NCKAP5: variants seen among roughly 807,000 people sequenced by gnomAD.
NCKAP5 encodes NCK associated protein 5.
NCKAP5 carries 92 observed loss-of-function variants against 167.0 expected under a neutral mutation model. The ratio of observed to expected loss-of-function variants is 0.55; its 90% CI spans 0.47 to 0.66. The LOEUF (loss-of-function observed/expected upper bound fraction) is 0.66, where lower values mean the gene tolerates loss of function less well. NCKAP5 is among the 30% of genes least tolerant of loss of function. The pLI is 0.00. For missense variants in NCKAP5, 2,378 were observed against 2,315.0 expected, an observed-to-expected ratio of 1.03 and a Z score of -0.56; for synonymous variants, 891 against 877.4, an observed-to-expected ratio of 1.02 and a Z score of -0.27.
At chr2:133,183,827 G>A (rs1036662017) in intron 5 of NCKAP5, among the ~76,000 whole-genome samples, 4 of 151,992 alleles carry the variant, frequency 2.6e-5, no homozygotes, top group South Asian at 4.2e-4. Context: ...AAATCCCAAG[G>A]AATCTACAAA....
At chr2:132,696,722 A>C (rs143912555) in intron 19 of NCKAP5, among the ~76,000 whole-genome samples, 2,115 of 152,268 alleles carry the variant, frequency 0.014, 16 homozygotes, top group Middle Eastern at 0.044. Context: ...GAGAAAAAAA[A>C]CTCAAAACTC....
At chr2:133,314,372 G>A (rs1559376173) in intron 3 of NCKAP5, among the ~76,000 whole-genome samples, 1 of 152,220 alleles carries the variant, frequency 6.6e-6, no homozygotes, top group Admixed American at 6.5e-5. Context: ...CACCTGGTGG[G>A]CTAGTTAAAA....
chr2:133,008,181 G>T (rs1269440680), intron 6 of NCKAP5, among the ~76,000 whole-genome samples: 1 of 151,950 alleles, frequency 6.6e-6, no homozygotes, highest in Non-Finnish European at 1.5e-5. Flanking sequence ...TTCCCATTGG[G>T]TGTTACTTTT....
the NCKAP5 span, among the ~76,000 whole-genome samples, chr2:133,580,899 G>C: frequency 6.6e-6 from 1 of 152,158 alleles, no homozygotes; most frequent in Admixed American, 6.5e-5. Context: ...TTTCGGAAAT[G>C]AATAGCTCCA....
chr2:133,297,668 G>T (rs1436941248), intron 4 of NCKAP5, among the ~76,000 whole-genome samples: 1 of 152,120 alleles, frequency 6.6e-6, no homozygotes, highest in Non-Finnish European at 1.5e-5. Context: ...TCACCAAGTG[G>T]CAACAAGAGT....
chr2:132,782,635 G>A lies in NCKAP5; in HGVS notation c.4176C>T (p.Thr1392=). The change falls in exon 14 of 20, where the codon ACC becomes ACT. Residue 1392 remains threonine (T), a synonymous_variant. Coordinates refer to ENST00000409261, the MANE Select transcript of NCKAP5 (RefSeq NM_207363.3). ...CATTGGCACTGGGGCACTCTCCCTG[G>A]GTGAAGGCCTGCTGGTCTTCCTTTC... The part of the protein sequence containing the change: ...PPGKEDQQAF[T]QGECPSANVA... 6.2e-7 allele frequency: 1 copy of A among 1,606,232 alleles called. No individual in the cohort carries two copies. The highest frequency in any genetic ancestry group is 2.2e-5 in the East Asian group (1 of 44,832).
intron 3 of NCKAP5, among the ~76,000 whole-genome samples, chr2:133,486,199 C>T (rs1212347343): frequency 6.6e-6 from 1 of 152,302 alleles, no homozygotes; most frequent in Admixed American, 6.5e-5. Flanking sequence ...TCTGTATAAT[C>T]CATTGCATTC....
At chr2:132,908,372 T>G (rs1292771021) in intron 8 of NCKAP5, among the ~76,000 whole-genome samples, 2 of 152,174 alleles carry the variant, frequency 1.3e-5, no homozygotes, top group African/African-American at 4.8e-5. Context: ...GGTCAGTCAA[T>G]TTCTCTCTTG....
chr2:133,447,681 G>A (rs1358086296), intron 3 of NCKAP5, among the ~76,000 whole-genome samples: 1 of 151,140 alleles, frequency 6.6e-6, no homozygotes, highest in Non-Finnish European at 1.5e-5. Flanking sequence ...GTAGAGATGG[G>A]GTCTCCTTAT....
intron 7 of NCKAP5, among the ~76,000 whole-genome samples, chr2:132,968,362 A>G (rs2076729421): frequency 6.6e-6 from 1 of 152,244 alleles, no homozygotes; most frequent in South Asian, 2.1e-4. Flanking sequence ...GGATTGAATC[A>G]GGACTTACCA....
chr2:133,648,979 C>T, the NCKAP5 span, among the ~76,000 whole-genome samples: 5 of 151,224 alleles, frequency 3.3e-5, no homozygotes, highest in African/African-American at 1.2e-4. Context: ...AAAAGATCAA[C>T]AAAATTGACA....
At chr2:133,213,885 G>T in intron 4 of NCKAP5, 106 bp from the exon 5 acceptor site, 1 of 1,027,670 alleles carries the variant, frequency 9.7e-7, no homozygotes, top group Non-Finnish European at 1.5e-6. Context: ...TTCCTTCCTT[G>T]GTTTAGCTCA....
chr2:133,472,657 G>A (rs1679449874), intron 3 of NCKAP5, among the ~76,000 whole-genome samples: 1 of 151,982 alleles, frequency 6.6e-6, no homozygotes, highest in South Asian at 2.1e-4. Context: ...TACTAACCCT[G>A]CAAAAATGTA....
chr2:133,379,288 A>AT (rs1224450979), intron 3 of NCKAP5, among the ~76,000 whole-genome samples: 4 of 152,166 alleles, frequency 2.6e-5, no homozygotes, highest in African/African-American at 9.6e-5. Flanking sequence ...TCGTGATTCA[A>AT]AATAATAATA....
At chr2:133,567,656 C>T (rs1688646374) in intron 1 of NCKAP5, among the ~76,000 whole-genome samples, 1 of 72,434 alleles carries the variant, frequency 1.4e-5, no homozygotes, top group South Asian at 5.9e-4. Flanking sequence ...GATGAATGAG[C>T]CTGTGTGTGT....
chr2:132,833,226 G>T (rs1687644374), intron 11 of NCKAP5, among the ~76,000 whole-genome samples: 1 of 151,918 alleles, frequency 6.6e-6, no homozygotes, highest in Non-Finnish European at 1.5e-5. Context: ...TTATTTCATT[G>T]TTGTTGCTGA....
chr2:133,544,316 C>A (rs951398003), intron 2 of NCKAP5, among the ~76,000 whole-genome samples: 10 of 152,214 alleles, frequency 6.6e-5, no homozygotes, highest in African/African-American at 2.4e-4. Context: ...CACAATATAT[C>A]ATTCTTTTTA....
the NCKAP5 span, among the ~76,000 whole-genome samples, chr2:133,586,815 A>T: frequency 6.6e-6 from 1 of 151,700 alleles, no homozygotes; most frequent in Admixed American, 6.6e-5. Flanking sequence ...ATAGGCAGGT[A>T]GCGTGAGTGA....
At position 132,844,002 on chromosome 2, in the gene NCKAP5, T is replaced by TC. The variant is rs569939456; in HGVS notation, c.807+16489dup. Reference sequence around the variant, plus strand: ...TTCATCTTCTTTCCTCTTCCTCCTTTCCCCTTCCAGAAATCTCTGGAACAC... The same window carrying TC: ...TTCATCTTCTTTCCTCTTCCTCCTTTCCCCCTTCCAGAAATCTCTGGAACAC... On this transcript the variant is annotated intron_variant, in intron 11 of 19. Coordinates refer to ENST00000409261, the MANE Select transcript of NCKAP5 (RefSeq NM_207363.3). 3.5e-4 allele frequency among the ~76,000 whole-genome samples: 53 copies of TC among 152,100 alleles called. 1 individual carries two copies. In the East Asian group the frequency reaches 9.7e-3, roughly 28 times the overall value.
Sources: allele counts gnomAD v4.1 joint callset (sites outside exome capture counted in the v4.1 genomes callset), GRCh38; gene constraint gnomAD v4.1.1; transcripts MANE v1.5; gene names NCBI Gene and HGNC (gene_info 2026-07-23, HGNC 2026-07-21).